The following MTSS1 variants were observed in gnomAD, a reference collection of about 807,000 sequenced individuals.
MTSS1 encodes protein MTSS 1.
Under a neutral mutation model 79.0 loss-of-function variants are expected in MTSS1, and 18 were observed. The observed-to-expected ratio is 0.23, with a 90% confidence interval of 0.16 to 0.34. The LOEUF is 0.34. Among genes scored for constraint, MTSS1 ranks in the 10% least tolerant of loss-of-function variants. The pLI is 1.00. For missense variants in MTSS1, 815 were observed against 986.2 expected, an observed-to-expected ratio of 0.83 and a Z score of 2.33; for synonymous variants, 341 against 368.6, an observed-to-expected ratio of 0.93 and a Z score of 0.86.
At chr8:124,626,625 A>G (rs1010452134) in intron 3 of MTSS1, among the ~76,000 whole-genome samples, 4 of 152,046 alleles carry the variant, frequency 2.6e-5, no homozygotes, top group Admixed American at 6.6e-5. Context: ...GTTCCATTCA[A>G]CAAGGCGGTT....
chr8:124,556,466 A>G, intron 11 of MTSS1, 61 bp from the exon 12 acceptor site: 1 of 1,505,000 alleles, frequency 6.6e-7, no homozygotes, highest in East Asian at 2.3e-5. Flanking sequence ...GGCTGCGGGG[A>G]CCCCATAGAC....
chr8:124,553,652 C>G lies in MTSS1; in HGVS notation c.1608G>C (p.Glu536Asp). ...ACTTGTCGAACTCCTGCTGATCTGC[C>G]TCCTGGTCACCACTTACAGAGAAAT... is the stretch of plus-strand genomic sequence containing the variant. Reference protein sequence around the residue: ...YDYFSVSGDQEADQQEFDKSS... With the variant: ...YDYFSVSGDQDADQQEFDKSS... The change falls in exon 14 of 14, where the codon GAG becomes GAC. Residue 536 changes from glutamate to aspartate, a missense_variant. Glu to Asp is a conservative substitution (Grantham distance 45). Transcript: ENST00000518547. This position sits in a 1 kb window ranked among gnomAD's most constrained non-coding sequence, Gnocchi z 6.0. The G allele has an allele frequency of 6.2e-7, 1 of 1,613,864 alleles. No individual in the cohort carries two copies. The highest frequency in any genetic ancestry group is 1.1e-5 in the South Asian group (1 of 91,060).
Position 124,555,922 on chromosome 8 carries a change from G to T in MTSS1, c.1405-18C>A. 1 of 1,592,654 alleles carries T rather than the reference G, an allele frequency of 6.3e-7. No homozygotes were observed. The highest frequency in any genetic ancestry group is 8.5e-7 in the Non-Finnish European group (1 of 1,175,058). Reference sequence around the variant, plus strand: ...TCACCAGGCTGCAGGTTGGAGGAGAGAAATACACAGGTTGCTTTAGGGGGG... The same window carrying T: ...TCACCAGGCTGCAGGTTGGAGGAGATAAATACACAGGTTGCTTTAGGGGGG... On this transcript the variant is annotated intron_variant, in intron 12 of 13. Coordinates refer to ENST00000518547, the MANE Select transcript of MTSS1 (RefSeq NM_014751.6).
At chr8:124,675,132 C>A (rs1825041762) in intron 3 of MTSS1, among the ~76,000 whole-genome samples, 1 of 152,242 alleles carries the variant, frequency 6.6e-6, no homozygotes, top group African/African-American at 2.4e-5. Flanking sequence ...TGTGGAGGAG[C>A]TTTGACTGCC....
At chr8:124,575,854 C>T (rs964476991) in intron 6 of MTSS1, among the ~76,000 whole-genome samples, 1 of 152,208 alleles carries the variant, frequency 6.6e-6, no homozygotes, top group Admixed American at 6.5e-5. Flanking sequence ...AATGCTTCTT[C>T]CTTGGTGGTT....
chr8:124,629,660 A>G (rs1220370846), intron 3 of MTSS1, among the ~76,000 whole-genome samples: 1 of 152,118 alleles, frequency 6.6e-6, no homozygotes, highest in Non-Finnish European at 1.5e-5. Context: ...TTGGTGAGAC[A>G]GCCAAGTGCC....
At position 124,553,941 on chromosome 8, in the gene MTSS1, C is replaced by T. The variant is rs1432724900; in HGVS notation, c.1568-249G>A. 2.0e-5 allele frequency among the ~76,000 whole-genome samples: 3 copies of T among 152,104 alleles called. No individual in the cohort carries two copies. Among genetic ancestry groups the T allele is most frequent in the South Asian group, 2.1e-4 (1 of 4,816 alleles). On this transcript the variant is annotated intron_variant, in intron 13 of 13. Transcript: ENST00000518547. The surrounding 1 kb of genome is among the most constrained non-coding windows in gnomAD (Gnocchi z 6.0). ...CTGGACACGGTAGGCACTCAAATAT[C>T]GTCAATGGGGAAGAAGGTAAAGCTG...
intron 3 of MTSS1, among the ~76,000 whole-genome samples, chr8:124,682,499 G>T (rs10108761): frequency 6.6e-6 from 1 of 152,206 alleles, no homozygotes; most frequent in Non-Finnish European, 1.5e-5. Flanking sequence ...CCCATTCCAG[G>T]AGAGTAAGCC....
chr8:124,677,163 G>A (rs2134845958), intron 3 of MTSS1, among the ~76,000 whole-genome samples: 1 of 152,222 alleles, frequency 6.6e-6, no homozygotes, highest in Middle Eastern at 3.4e-3. Flanking sequence ...CAGTTCAGGG[G>A]TACACAAATC....
intron 6 of MTSS1, chr8:124,568,941 A>C: frequency 1.9e-6 from 2 of 1,034,722 alleles, no homozygotes; most frequent in Non-Finnish European, 1.2e-6. Flanking sequence ...GTTTCCAAAA[A>C]CGGGCACGGG....
chr8:124,587,580 C>G (rs984536889), intron 5 of MTSS1, among the ~76,000 whole-genome samples: 4 of 152,230 alleles, frequency 2.6e-5, no homozygotes, highest in Non-Finnish European at 1.5e-5. Flanking sequence ...CTCACCGCAG[C>G]CTCCGCCTCC....
intron 3 of MTSS1, among the ~76,000 whole-genome samples, chr8:124,602,090 A>G (rs1409636472): frequency 6.6e-6 from 1 of 151,124 alleles, no homozygotes; most frequent in Admixed American, 6.6e-5. Context: ...TCCCTGGGCC[A>G]CAGTGGAAGA....
rs182623374 is a variant in MTSS1, at chr8:124,578,762, G to A, written c.460+6325C>T. Among the ~76,000 whole-genome samples, 65 of 152,126 alleles carry A rather than the reference G, an allele frequency of 4.3e-4. 1 individual carries two copies. The East Asian group carries it at 0.011, about 25-fold the overall frequency. ...GTGAGCCGAGATCGTGTCACTGATC[G>A]TGATGGGGTTTTACCATGTTGGCCA... is the stretch of plus-strand genomic sequence containing the variant. On this transcript the variant is annotated intron_variant, in intron 6 of 13. Coordinates refer to ENST00000518547, the MANE Select transcript of MTSS1 (RefSeq NM_014751.6).
intron 1 of MTSS1, among the ~76,000 whole-genome samples, chr8:124,718,283 T>C (rs1832400833): frequency 6.6e-6 from 1 of 151,540 alleles, no homozygotes; most frequent in African/African-American, 2.4e-5. Context: ...AGAAAAAAGC[T>C]TCCTCCTCAG....
chr8:124,703,624 C>T (rs1830008897), intron 2 of MTSS1, among the ~76,000 whole-genome samples: 1 of 152,074 alleles, frequency 6.6e-6, no homozygotes, highest in South Asian at 2.1e-4. Context: ...TGTGGAGAGG[C>T]AGTAAGCAGA....
intron 11 of MTSS1, 77 bp downstream of exon 11, chr8:124,557,604 G>A (rs1383828243): frequency 8.9e-6 from 12 of 1,355,560 alleles, no homozygotes; most frequent in Non-Finnish European, 1.2e-5. Flanking sequence ...GGGATAGTCG[G>A]GGTGAGGGGG....
intron 1 of MTSS1, among the ~76,000 whole-genome samples, chr8:124,726,680 T>C (rs1833741880): frequency 6.6e-6 from 1 of 152,188 alleles, no homozygotes; most frequent in South Asian, 2.1e-4. Context: ...GAAGCCTCTC[T>C]AAACCTTACA....
At chr8:124,586,556 G>A (rs1240717692) in intron 5 of MTSS1, among the ~76,000 whole-genome samples, 3 of 152,142 alleles carry the variant, frequency 2.0e-5, no homozygotes, top group Non-Finnish European at 2.9e-5. Context: ...CCCAGGGGAC[G>A]CAGCAGTGCC....
intron 3 of MTSS1, among the ~76,000 whole-genome samples, chr8:124,677,137 C>T (rs1278663794): frequency 6.6e-6 from 1 of 152,150 alleles, no homozygotes; most frequent in Non-Finnish European, 1.5e-5. Context: ...CTTTTGTCTT[C>T]CCCAATCAAG....
Sources: allele counts gnomAD v4.1 joint callset (sites outside exome capture counted in the v4.1 genomes callset), GRCh38; gene constraint gnomAD v4.1.1; non-coding constraint Gnocchi (gnomAD v3.1); transcripts MANE v1.5; gene names NCBI Gene and HGNC (gene_info 2026-07-23, HGNC 2026-07-21).